Variants in SH2D4B observed in about 807,000 individuals in gnomAD.
The protein encoded by SH2D4B is SH2 domain-containing protein 4B.
SH2D4B carries 45 observed loss-of-function variants against 61.5 expected under a neutral mutation model. That is an observed-to-expected ratio of 0.73 (90% CI 0.58 to 0.94). SH2D4B has a LOEUF of 0.94. SH2D4B is among the 40% of genes least tolerant of loss of function. SH2D4B has a pLI of 0.00. For synonymous variants in SH2D4B, 224 were observed against 220.4 expected, an observed-to-expected ratio of 1.02 and a Z score of -0.14; for missense variants, 572 against 574.2, an observed-to-expected ratio of 1.00 and a Z score of 0.04.
At chr10:80,552,450 T>G (rs1841773821) in intron 1 of SH2D4B, among the ~76,000 whole-genome samples, 1 of 152,198 alleles carries the variant, frequency 6.6e-6, no homozygotes, top group Admixed American at 6.6e-5. Context: ...TGGGATTCTT[T>G]TCTGTCCCCT....
chr10:80,559,200 C>T (rs1841874159), intron 1 of SH2D4B, among the ~76,000 whole-genome samples: 1 of 152,080 alleles, frequency 6.6e-6, no homozygotes, highest in Non-Finnish European at 1.5e-5. Context: ...TTTGTTCCTT[C>T]TTCCTACTCT....
intron 1 of SH2D4B, among the ~76,000 whole-genome samples, chr10:80,556,943 A>G (rs1841845940): frequency 6.6e-6 from 1 of 152,132 alleles, no homozygotes; most frequent in Admixed American, 6.5e-5. Context: ...TGTTAAATAG[A>G]TATGGAGAGA....
chr10:80,628,097 C>T (rs1035427770), intron 6 of SH2D4B, among the ~76,000 whole-genome samples: 2 of 152,066 alleles, frequency 1.3e-5, no homozygotes, highest in African/African-American at 4.8e-5. Flanking sequence ...GTAGGGTGCT[C>T]AGAAGAAGCA....
At chr10:80,630,856 A>G (rs749536919) in intron 6 of SH2D4B, among the ~76,000 whole-genome samples, 10 of 152,164 alleles carry the variant, frequency 6.6e-5, no homozygotes, top group Non-Finnish European at 1.2e-4. Flanking sequence ...CGATGAGCCC[A>G]GAGGGGTAGG....
intron 4 of SH2D4B, among the ~76,000 whole-genome samples, chr10:80,592,476 C>A (rs1249189262): frequency 6.6e-6 from 1 of 152,154 alleles, no homozygotes; most frequent in Admixed American, 6.5e-5. Flanking sequence ...CTGGCTTACA[C>A]CTATCTTTGT....
At chr10:80,611,876 G>C (rs74389463) in intron 6 of SH2D4B, among the ~76,000 whole-genome samples, 1 of 151,282 alleles carries the variant, frequency 6.6e-6, no homozygotes. Context: ...CTAATTTCAT[G>C]TTCTGACAGT....
At chr10:80,640,798 G>A (rs368829408) in intron 7 of SH2D4B, among the ~76,000 whole-genome samples, 2 of 152,150 alleles carry the variant, frequency 1.3e-5, no homozygotes, top group African/African-American at 2.4e-5. Context: ...CTGTCAACTC[G>A]TCAAAGTCAT....
At chr10:80,570,761 G>A (rs1842031879) in intron 2 of SH2D4B, among the ~76,000 whole-genome samples, 1 of 152,032 alleles carries the variant, frequency 6.6e-6, no homozygotes, top group South Asian at 2.1e-4. Flanking sequence ...CAACTTATTG[G>A]TCTTATTGGT....
intron 7 of SH2D4B, among the ~76,000 whole-genome samples, chr10:80,642,758 G>A (rs1200963857): frequency 1.3e-5 from 2 of 152,194 alleles, no homozygotes; most frequent in East Asian, 3.8e-4. Context: ...ATGGATACAT[G>A]TGCAGTATTT....
At chr10:80,566,117 AAG>A (rs1841965270) in intron 1 of SH2D4B, among the ~76,000 whole-genome samples, 1 of 147,980 alleles carries the variant, frequency 6.8e-6, no homozygotes, top group Non-Finnish European at 1.5e-5. Context: ...AAAAAAAAAA[AAG>A]AGTGAAGAGG....
chr10:80,605,686 T>C (rs766181675), intron 5 of SH2D4B, among the ~76,000 whole-genome samples: 4 of 152,056 alleles, frequency 2.6e-5, no homozygotes, highest in Non-Finnish European at 5.9e-5. Context: ...ACCCGGCTAA[T>C]TTTTGTATTT....
In SH2D4B at chr10:80,645,800, A is replaced by G. The variant is rs183662269; in HGVS notation, c.*1715A>G. ...AGAACCCATTATACAGAAGTGTTCAATAATATCAATTTTGCAACTCACTCA... is the reference window on the plus strand; with the variant it reads ...AGAACCCATTATACAGAAGTGTTCAGTAATATCAATTTTGCAACTCACTCA... On this transcript the variant is annotated 3_prime_UTR_variant, in exon 8 of 8. Coordinates refer to ENST00000646907, the MANE Select transcript of SH2D4B (RefSeq NM_001388272.1). 2 of 152,340 alleles carry G rather than the reference A, an allele frequency of 1.3e-5. No homozygotes were observed. Among genetic ancestry groups the G allele is most frequent in the East Asian group, 1.9e-4 (1 of 5,186 alleles). 9.4% of individuals were successfully genotyped at this position (152,340 alleles called of 1,614,324 possible).
Position 80,538,609 on chromosome 10 carries a change from C to T in SH2D4B, c.184+94C>T. ...AGGCTGTGCCCTTCTTCAAGATGGGCACTGGGGTGATGAGGGCTGGGGGCT... is the reference window on the plus strand; with the variant it reads ...AGGCTGTGCCCTTCTTCAAGATGGGTACTGGGGTGATGAGGGCTGGGGGCT... On this transcript the variant is annotated intron_variant, in intron 1 of 7. Coordinates refer to ENST00000646907, the MANE Select transcript of SH2D4B (RefSeq NM_001388272.1). This position sits in a 1 kb window ranked among gnomAD's most constrained non-coding sequence, Gnocchi z 4.8. 1 of 1,083,618 alleles carries T rather than the reference C, an allele frequency of 9.2e-7. No homozygotes were observed. The highest frequency in any genetic ancestry group is 1.2e-6 in the Non-Finnish European group (1 of 823,920). 67.1% of individuals were successfully genotyped at this position (1,083,618 alleles called of 1,614,324 possible).
intron 6 of SH2D4B, among the ~76,000 whole-genome samples, chr10:80,629,216 A>G (rs1842802767): frequency 6.6e-6 from 1 of 152,256 alleles, no homozygotes; most frequent in African/African-American, 2.4e-5. Flanking sequence ...GGAAGCCAGC[A>G]TATCACATGG....
intron 7 of SH2D4B, among the ~76,000 whole-genome samples, chr10:80,638,524 T>C (rs1840230426): frequency 6.6e-6 from 1 of 152,238 alleles, no homozygotes; most frequent in Admixed American, 6.5e-5. Context: ...GGAGGGTGTA[T>C]GTGTCTAGGA....
intron 6 of SH2D4B, among the ~76,000 whole-genome samples, chr10:80,633,186 A>G (rs1229951642): frequency 6.6e-6 from 1 of 151,888 alleles, no homozygotes; most frequent in Non-Finnish European, 1.5e-5. Context: ...TCTCAGGGTC[A>G]TGGAGATGGG....
intron 6 of SH2D4B, among the ~76,000 whole-genome samples, chr10:80,620,295 G>A (rs747354544): frequency 6.6e-6 from 1 of 152,088 alleles, no homozygotes; most frequent in Admixed American, 6.6e-5. Context: ...AAAGTGTGTG[G>A]TACCTTCCTT....
intron 6 of SH2D4B, among the ~76,000 whole-genome samples, chr10:80,615,192 C>T (rs997190704): frequency 3.3e-5 from 5 of 152,224 alleles, no homozygotes; most frequent in African/African-American, 9.6e-5. Flanking sequence ...CATCCTCGGG[C>T]TTGATGCTGC....
intron 3 of SH2D4B, among the ~76,000 whole-genome samples, chr10:80,581,877 G>T (rs1305408297): frequency 1.3e-5 from 2 of 152,124 alleles, no homozygotes; most frequent in African/African-American, 2.4e-5. Context: ...GGTCAGGGGT[G>T]GGTCCTTTGG....
Sources: allele counts gnomAD v4.1 joint callset (sites outside exome capture counted in the v4.1 genomes callset), GRCh38; gene constraint gnomAD v4.1.1; non-coding constraint Gnocchi (gnomAD v3.1); transcripts MANE v1.5; gene names NCBI Gene and HGNC (gene_info 2026-07-23, HGNC 2026-07-21).